The following KLF12 variants were observed in gnomAD, a reference collection of about 807,000 sequenced individuals.
The protein encoded by KLF12 is Krueppel-like factor 12.
Under a neutral mutation model 37.8 loss-of-function variants are expected in KLF12, and 9 were observed. That is an observed-to-expected ratio of 0.24 (90% CI 0.14 to 0.42). The LOEUF (loss-of-function observed/expected upper bound fraction) is 0.42, where lower values mean the gene tolerates loss of function less well. Ranked by LOEUF, KLF12 falls within the 10% of genes least tolerant of loss-of-function variation. KLF12 has a pLI of 1.00. For synonymous variants in KLF12, 208 were observed against 202.1 expected (o/e 1.03, Z -0.25); for missense variants, 411 against 516.0 (o/e 0.80, Z 1.97).
chr13:73,918,206 G>A (rs1352715079), intron 3 of KLF12, among the ~76,000 whole-genome samples: 1 of 152,116 alleles, frequency 6.6e-6, no homozygotes, highest in Non-Finnish European at 1.5e-5. Context: ...AAAAGGGAAT[G>A]CAGACTTGGC....
chr13:74,039,368 T>A (rs1435302712), intron 1 of KLF12, among the ~76,000 whole-genome samples: 1 of 151,904 alleles, frequency 6.6e-6, no homozygotes, highest in Non-Finnish European at 1.5e-5. Flanking sequence ...AGACCCCATC[T>A]CTACCAAAAG....
At chr13:73,845,453 A>T (rs1402965816) in intron 4 of KLF12, among the ~76,000 whole-genome samples, 1 of 152,240 alleles carries the variant, frequency 6.6e-6, no homozygotes, top group Non-Finnish European at 1.5e-5. Flanking sequence ...ACTTAAAAAA[A>T]TTTACAATTC....
chr13:74,102,143 A>G (rs1311463419), intron 1 of KLF12, among the ~76,000 whole-genome samples: 2 of 151,078 alleles, frequency 1.3e-5, no homozygotes, highest in African/African-American at 2.4e-5. Context: ...GCTTGAACCC[A>G]GGAGGCAGAG....
At chr13:74,092,118 T>C (rs1875702578) in intron 1 of KLF12, among the ~76,000 whole-genome samples, 1 of 150,080 alleles carries the variant, frequency 6.7e-6, no homozygotes, top group South Asian at 2.1e-4. Flanking sequence ...TGAAACCCCG[T>C]CTCTACTAAA....
At chr13:73,877,670 C>T (rs1224296437) in intron 3 of KLF12, among the ~76,000 whole-genome samples, 1 of 152,178 alleles carries the variant, frequency 6.6e-6, no homozygotes, top group East Asian at 1.9e-4. Flanking sequence ...CCTACTCCTC[C>T]ATACTGCTGG....
the KLF12 span, among the ~76,000 whole-genome samples, chr13:74,177,762 G>A: frequency 3.3e-5 from 5 of 152,330 alleles, no homozygotes; most frequent in Admixed American, 6.5e-5. Context: ...AGACTTGCAG[G>A]AGGGAAGCAG....
chr13:74,032,141 A>G (rs953387543), intron 1 of KLF12, among the ~76,000 whole-genome samples: 4 of 152,160 alleles, frequency 2.6e-5, no homozygotes, highest in African/African-American at 9.7e-5. Flanking sequence ...CACTATAAAA[A>G]TACAGTTTGG....
chr13:74,130,516 G>A (rs953920096), intron 1 of KLF12, among the ~76,000 whole-genome samples: 1 of 152,040 alleles, frequency 6.6e-6, no homozygotes, highest in Non-Finnish European at 1.5e-5. Context: ...TTTTAGCTGG[G>A]TGTGGCAGTG....
intron 3 of KLF12, among the ~76,000 whole-genome samples, chr13:73,937,743 G>A (rs1343896018): frequency 2.0e-5 from 3 of 152,098 alleles, no homozygotes; most frequent in Non-Finnish European, 4.4e-5. Flanking sequence ...ATTTCCCTTG[G>A]GTACTATCTG....
At chr13:74,269,515 T>C in the KLF12 span, among the ~76,000 whole-genome samples, 3 of 152,298 alleles carry the variant, frequency 2.0e-5, no homozygotes, top group African/African-American at 4.8e-5. Flanking sequence ...GATTTGTATA[T>C]AATGGGACTC....
intron 2 of KLF12, among the ~76,000 whole-genome samples, chr13:73,952,037 T>C (rs1284851621): frequency 6.6e-6 from 1 of 152,176 alleles, no homozygotes; most frequent in African/African-American, 2.4e-5. Context: ...GGGATGAGCA[T>C]AGGCAAAATC....
At chr13:74,061,825 C>T (rs1873611499) in intron 1 of KLF12, among the ~76,000 whole-genome samples, 1 of 152,062 alleles carries the variant, frequency 6.6e-6, no homozygotes, top group Admixed American at 6.6e-5. Flanking sequence ...ATTTTTATAC[C>T]TTGACGTTAT....
chr13:73,823,121 C>T (rs1026322932), intron 4 of KLF12, among the ~76,000 whole-genome samples: 8 of 152,078 alleles, frequency 5.3e-5, no homozygotes, highest in African/African-American at 1.9e-4. Context: ...TTTCTTATTT[C>T]CCTTAGTTGG....
At chr13:73,868,323 G>A (rs1297764270) in intron 3 of KLF12, among the ~76,000 whole-genome samples, 1 of 118,082 alleles carries the variant, frequency 8.5e-6, no homozygotes. Context: ...AAAGGCGGGG[G>A]CGGTGGGGGG....
At chr13:73,700,042 G>A (rs770493616) in intron 7 of KLF12, among the ~76,000 whole-genome samples, 4 of 152,006 alleles carry the variant, frequency 2.6e-5, no homozygotes, top group African/African-American at 4.8e-5. Context: ...GAGGTGAGAG[G>A]ATCAATCACT....
chr13:74,033,435 T>C (rs1157254644), intron 1 of KLF12, among the ~76,000 whole-genome samples: 1 of 152,226 alleles, frequency 6.6e-6, no homozygotes, highest in Non-Finnish European at 1.5e-5. Context: ...AAGATAGGGC[T>C]AATAATATTT....
intron 1 of KLF12, among the ~76,000 whole-genome samples, chr13:74,031,530 T>C (rs1009170274): frequency 6.6e-6 from 1 of 152,164 alleles, no homozygotes; most frequent in Non-Finnish European, 1.5e-5. Context: ...GGTAGGGCAC[T>C]ACTTCAAATT....
chr13:73,830,259 G>T (rs9318222), intron 4 of KLF12, among the ~76,000 whole-genome samples: 33,844 of 152,028 alleles, frequency 0.22, 4,123 homozygotes, highest in East Asian at 0.47. Flanking sequence ...CTTCCAGAAC[G>T]TGACAGAAAA....
chr13:73,995,178 A>AAAAG, intron 1 of KLF12, 125 bp from the exon 2 acceptor site: 3 of 635,122 alleles, frequency 4.7e-6, no homozygotes, highest in Non-Finnish European at 8.0e-6. Flanking sequence ...AGAGCTGAGG[A>AAAAG]ATATCTTTTC....
Sources: gnomAD v4.1 joint callset for allele counts (sites outside exome capture counted in the v4.1 genomes callset) on GRCh38, gnomAD v4.1.1 for gene constraint, MANE v1.5 for transcripts, NCBI Gene and HGNC (gene_info 2026-07-23, HGNC 2026-07-21) for gene names.